The following ZNRF1 variants were observed in gnomAD, a reference collection of about 807,000 sequenced individuals.
ZNRF1 encodes the protein zinc and ring finger 1, also known as E3 ubiquitin-protein ligase ZNRF1.
In ZNRF1, 3 loss-of-function variants were observed where a neutral mutation model predicts 18.4. The ratio of observed to expected loss-of-function variants is 0.16; its 90% CI spans 0.07 to 0.42. ZNRF1 has a LOEUF of 0.42. Among genes scored for constraint, ZNRF1 ranks in the 10% least tolerant of loss-of-function variants. The pLI is 0.99. For synonymous variants in ZNRF1, 157 were observed against 144.2 expected (o/e 1.09, Z -0.64); for missense variants, 310 against 329.8 (o/e 0.94, Z 0.47).
rs992951317 is a variant in ZNRF1, at chr16:75,093,584, C to G, written c.437C>G (p.Pro146Arg). 6.2e-7 allele frequency: 1 copy of G among 1,613,872 alleles called. No individual in the cohort carries two copies. The highest frequency in any genetic ancestry group is 8.5e-7 in the Non-Finnish European group (1 of 1,179,796). ...TCCTCTCTTTCAGGTTTCAAGTGCC[C>G]CATTTGCTCCAAGTCTGTGGCTTCT... is the stretch of plus-strand genomic sequence containing the variant. ...WFSSHSGFKC[P>R]ICSKSVASDE... Residue 146 changes from proline (P) to arginine (R), a missense_variant, in exon 2 of 5, where the codon CCC becomes CGC. Pro to Arg is a moderately radical substitution (Grantham distance 103). Around this residue, in one of 2 missense-constraint regions of ZNRF1, gnomAD observed 293 missense variants for 291.2 expected, o/e 1.01. Transcript: ENST00000335325.
At chr16:75,035,545 T>C (rs1166688666) in intron 1 of ZNRF1, among the ~76,000 whole-genome samples, 2 of 152,126 alleles carry the variant, frequency 1.3e-5, no homozygotes, top group Admixed American at 6.5e-5. Flanking sequence ...AAGCAAATTT[T>C]AGAGCAGGAG....
intron 2 of ZNRF1, among the ~76,000 whole-genome samples, chr16:75,103,283 T>C (rs1245987111): frequency 6.6e-6 from 1 of 152,216 alleles, no homozygotes; most frequent in East Asian, 1.9e-4. Flanking sequence ...GGGGTCACTT[T>C]TGTTTCTTTC....
intron 1 of ZNRF1, among the ~76,000 whole-genome samples, chr16:75,060,375 C>T (rs2035726516): frequency 6.6e-6 from 1 of 151,734 alleles, no homozygotes; most frequent in South Asian, 2.1e-4. Flanking sequence ...TTAGGGTAGT[C>T]CCACCTTGCC....
intron 1 of ZNRF1, among the ~76,000 whole-genome samples, chr16:75,075,945 G>T (rs2035935196): frequency 6.6e-6 from 1 of 152,200 alleles, no homozygotes. Context: ...GGTGTAGGTG[G>T]GATTGAGAGA....
Position 75,109,522 on chromosome 16 carries a change from G to A in ZNRF1, c.*1822G>A. On this transcript the variant is annotated 3_prime_UTR_variant, in exon 5 of 5. Coordinates refer to ENST00000335325, the MANE Select transcript of ZNRF1 (RefSeq NM_032268.5). ...AAGGGCATTCACAACAGGCCAGTGG[G>A]CAAACGTGAGCCAGGGCCAGCGGAG... is the stretch of plus-strand genomic sequence containing the variant. 6.5e-6 allele frequency: 1 copy of A among 152,992 alleles called. No individual in the cohort carries two copies. Among genetic ancestry groups the A allele is most frequent in the Non-Finnish European group, 1.5e-5 (1 of 68,252 alleles). The allele number at this position is 152,992 out of a possible 1,614,324, so 9.5% of individuals were successfully genotyped here. A position where few individuals can be genotyped will look rare whatever the true frequency, so the allele number is the denominator to read the frequency against.
intron 4 of ZNRF1, 91 bp downstream of exon 4, chr16:75,106,662 G>C (rs1022450937): frequency 5.1e-6 from 5 of 985,630 alleles, no homozygotes; most frequent in Middle Eastern, 2.2e-4. Flanking sequence ...CTGCCCTTAT[G>C]CCACTGAGAA....
At chr16:75,048,217 C>CTGGG (rs1232786468) in intron 1 of ZNRF1, among the ~76,000 whole-genome samples, 2 of 152,190 alleles carry the variant, frequency 1.3e-5, no homozygotes, top group African/African-American at 4.8e-5. Context: ...TCCCAAAGTG[C>CTGGG]TGGGATTACA....
chr16:75,045,049 C>T (rs541501615), intron 1 of ZNRF1, among the ~76,000 whole-genome samples: 41 of 152,152 alleles, frequency 2.7e-4, no homozygotes, highest in Non-Finnish European at 5.3e-4. Context: ...AAACAAACTT[C>T]GTCTTAGGAT....
In ZNRF1 at chr16:75,051,529, T is replaced by G. The variant is rs893645641; in HGVS notation, c.425-42043T>G. Among the ~76,000 whole-genome samples, 446 of 146,890 alleles carry G rather than the reference T, an allele frequency of 3.0e-3. 5 individuals carry two copies. The highest frequency in any genetic ancestry group is 8.2e-3 in the East Asian group (42 of 5,100). ...CAGCCTGCATCTTCCCCTTTTTTTT[T>G]TTGGGGGGGACGGAGTCTTGCTGTG... On this transcript the variant is annotated intron_variant, in intron 1 of 4. Transcript: ENST00000335325.
intron 1 of ZNRF1, among the ~76,000 whole-genome samples, chr16:75,085,640 T>G (rs2036063226): frequency 6.6e-6 from 1 of 152,200 alleles, no homozygotes; most frequent in African/African-American, 2.4e-5. Context: ...TCATTTTATA[T>G]TCCCTCAAAC....
At chr16:75,050,899 CA>C (rs796834732) in intron 1 of ZNRF1, among the ~76,000 whole-genome samples, 1 of 41,114 alleles carries the variant, frequency 2.4e-5, no homozygotes, top group Admixed American at 3.2e-4. Context: ...CAAAAAAAAA[CA>C]AAAAACTTGT....
chr16:75,014,688 G>C (rs1374355007), intron 1 of ZNRF1, among the ~76,000 whole-genome samples: 1 of 152,110 alleles, frequency 6.6e-6, no homozygotes, highest in Non-Finnish European at 1.5e-5. Flanking sequence ...GTGCATGTGT[G>C]TGTATCTTCA....
intron 1 of ZNRF1, among the ~76,000 whole-genome samples, chr16:75,058,474 G>A (rs2035696965): frequency 2.0e-5 from 3 of 152,170 alleles, no homozygotes; most frequent in African/African-American, 7.2e-5. Context: ...GCAGTCAGCA[G>A]GAACTAAGGA....
chr16:75,059,240 T>TGC (rs1567481759), intron 1 of ZNRF1, among the ~76,000 whole-genome samples: 3 of 111,654 alleles, frequency 2.7e-5, no homozygotes, highest in Non-Finnish European at 5.6e-5. Context: ...TTTTTTTTTT[T>TGC]TTTTCTTTTT....
chr16:75,062,623 A>G (rs912643852), intron 1 of ZNRF1, among the ~76,000 whole-genome samples: 2 of 152,242 alleles, frequency 1.3e-5, no homozygotes, highest in African/African-American at 4.8e-5. Context: ...CTGCGGCAAG[A>G]TGACTGTTCC....
chr16:75,001,893 G>A (rs2034854717), intron 1 of ZNRF1, among the ~76,000 whole-genome samples: 1 of 151,840 alleles, frequency 6.6e-6, no homozygotes. Flanking sequence ...TTTTTCATCC[G>A]ATCATGGTGA....
At chr16:75,089,355 C>T (rs1232118244) in intron 1 of ZNRF1, among the ~76,000 whole-genome samples, 2 of 152,150 alleles carry the variant, frequency 1.3e-5, no homozygotes, top group Admixed American at 6.5e-5. Context: ...GTGATCCTCC[C>T]ACCATGGCCT....
chr16:75,088,087 T>C lies in ZNRF1; in HGVS notation c.425-5485T>C, dbSNP rs76273361. 7.5e-3 allele frequency among the ~76,000 whole-genome samples: 1,148 copies of C among 152,332 alleles called. 13 individuals carry two copies. The highest frequency in any genetic ancestry group is 0.027 in the African/African-American group (1,115 of 41,562). Reference sequence around the variant, plus strand: ...TTTACTTTTGTTTTGGAGGGCTGATTTTAATTTGGTGTGAGCTTTTTTCCA... The same window carrying C: ...TTTACTTTTGTTTTGGAGGGCTGATCTTAATTTGGTGTGAGCTTTTTTCCA... On this transcript the variant is annotated intron_variant, in intron 1 of 4. Coordinates refer to ENST00000335325, the MANE Select transcript of ZNRF1 (RefSeq NM_032268.5).
intron 1 of ZNRF1, among the ~76,000 whole-genome samples, chr16:75,037,380 C>T (rs2145357286): frequency 6.6e-6 from 1 of 152,130 alleles, no homozygotes; most frequent in South Asian, 2.1e-4. Flanking sequence ...ACACAGTCTC[C>T]CTCTGTCACC....
Sources: gnomAD v4.1 joint callset for allele counts (sites outside exome capture counted in the v4.1 genomes callset) on GRCh38, gnomAD v4.1.1 for gene constraint, gnomAD v4.1.1 regional missense constraint, MANE v1.5 for transcripts, NCBI Gene and HGNC (gene_info 2026-07-23, HGNC 2026-07-21) for gene names.